PTP4A3: variants seen among roughly 807,000 people sequenced by gnomAD.
The protein encoded by PTP4A3 is protein tyrosine phosphatase 4A3, also known as protein tyrosine phosphatase type IVA 3.
A neutral mutation model predicts 15.2 loss-of-function variants in PTP4A3; 9 were observed. The observed-to-expected ratio is 0.59, with a 90% CI of 0.36 to 1.03. The LOEUF (loss-of-function observed/expected upper bound fraction) is 1.03. Ranked by LOEUF, PTP4A3 falls within the 50% of genes least tolerant of loss-of-function variation. PTP4A3 has a pLI of 0.02. For missense variants in PTP4A3, 234 were observed against 252.1 expected, an observed-to-expected ratio of 0.93 and a Z score of 0.49; for synonymous variants, 95 against 102.0, an observed-to-expected ratio of 0.93 and a Z score of 0.41.
chr8:141,413,739 T>C (rs551182601), intron 1 of PTP4A3, among the ~76,000 whole-genome samples: 1 of 152,040 alleles, frequency 6.6e-6, no homozygotes, highest in Non-Finnish European at 1.5e-5. Context: ...CACTCAGGAG[T>C]CCAGCTGTGT....
intron 2 of PTP4A3, 52 bp downstream of exon 2, chr8:141,422,397 C>T (rs1352211400): frequency 6.2e-7 from 1 of 1,600,284 alleles, no homozygotes. Flanking sequence ...TCTGGGAAGC[C>T]CGGCTGAGCT....
In PTP4A3 at chr8:141,425,227, G is replaced by A. The variant is rs1175954366; in HGVS notation, c.198+87G>A. ...GCTCCGGGCCTGCGCAGAGGGTTTG[G>A]TGCCCCTCCTGTGGCAGCCCTGGGC... On this transcript the variant is annotated intron_variant, in intron 3 of 5. Coordinates refer to ENST00000521578, the MANE Select transcript of PTP4A3 (RefSeq NM_032611.3). This position sits in a 1 kb window ranked among gnomAD's most constrained non-coding sequence, Gnocchi z 4.2. 7.4e-7 allele frequency: 1 copy of A among 1,345,462 alleles called. No homozygotes were observed. The highest frequency in any genetic ancestry group is 2.5e-5 in the East Asian group (1 of 40,584). The allele number at this position is 1,345,462 out of a possible 1,614,324, so 83.3% of individuals were successfully genotyped here.
At chr8:141,416,092 G>A (rs1017951893) in intron 1 of PTP4A3, among the ~76,000 whole-genome samples, 1 of 152,288 alleles carries the variant, frequency 6.6e-6, no homozygotes, top group East Asian at 1.9e-4. Context: ...GCCCGGGTGG[G>A]GGTGATGAGG....
chr8:141,405,749 T>TG (rs1218943549), intron 1 of PTP4A3, among the ~76,000 whole-genome samples: 1 of 145,218 alleles, frequency 6.9e-6, no homozygotes, highest in East Asian at 2.0e-4. Context: ...CTACTGTGTG[T>TG]GGGGGACAGA....
intron 1 of PTP4A3, among the ~76,000 whole-genome samples, chr8:141,403,008 T>C (rs1408913844): frequency 6.6e-6 from 1 of 151,984 alleles, no homozygotes; most frequent in Non-Finnish European, 1.5e-5. Context: ...GCACCTCCTG[T>C]GTGCACCAGG....
At chr8:141,429,479 G>A (rs1463112624) in intron 5 of PTP4A3, among the ~76,000 whole-genome samples, 1 of 152,262 alleles carries the variant, frequency 6.6e-6, no homozygotes, top group Admixed American at 6.5e-5. Flanking sequence ...TGTGGTCAAG[G>A]ACCAGGTGGC....
chr8:141,403,245 C>T (rs1832640623), intron 1 of PTP4A3, among the ~76,000 whole-genome samples: 1 of 152,234 alleles, frequency 6.6e-6, no homozygotes, highest in South Asian at 2.1e-4. Flanking sequence ...CTGCAGCGGC[C>T]TCGCGCGGGG....
chr8:141,401,315 C>T (rs988970676), intron 1 of PTP4A3, among the ~76,000 whole-genome samples: 16 of 152,164 alleles, frequency 1.1e-4, no homozygotes, highest in African/African-American at 3.4e-4. Context: ...CCAGCCAGCT[C>T]ATCTGCTCCT....
chr8:141,397,114 C>T (rs1303419837), intron 1 of PTP4A3, among the ~76,000 whole-genome samples: 1 of 152,232 alleles, frequency 6.6e-6, no homozygotes, highest in African/African-American at 2.4e-5. Context: ...CTAGCCACCT[C>T]CTCAGGGCCA....
chr8:141,395,852 G>T (rs899032904), intron 1 of PTP4A3, among the ~76,000 whole-genome samples: 1 of 152,204 alleles, frequency 6.6e-6, no homozygotes, highest in Non-Finnish European at 1.5e-5. Context: ...TCCTCTCCTG[G>T]TGTCTTCCCC....
At position 141,422,279 on chromosome 8, in the gene PTP4A3, C is replaced by G. The variant is rs750471229; in HGVS notation, c.39C>G (p.Ser13Arg). 3.0e-5 allele frequency: 49 copies of G among 1,613,174 alleles called. No individual in the cohort carries two copies. The highest frequency in any genetic ancestry group is 4.1e-5 in the Non-Finnish European group (48 of 1,180,004). The change falls in exon 2 of 6, where the codon AGC becomes AGG. Residue 13 changes from serine to arginine, a missense_variant. Physicochemically the swap from Ser to Arg is moderately radical, Grantham distance 110. Coordinates refer to ENST00000521578, the MANE Select transcript of PTP4A3 (RefSeq NM_032611.3). ...RMNRPAPVEV[S>R]YKHMRFLITH... ...ACCGCCCGGCCCCGGTGGAGGTGAG[C>G]TACAAACACATGCGCTTCCTCATCA...
Position 141,411,432 on chromosome 8 carries a change from G to T in PTP4A3, c.-853-9956G>T, listed in dbSNP as rs10111276. 8.1e-3 allele frequency among the ~76,000 whole-genome samples: 1,235 copies of T among 152,308 alleles called. 11 individuals are homozygous for T. The highest frequency in any genetic ancestry group is 0.027 in the African/African-American group (1,109 of 41,586). ...CTCCAGCCCCTCCACCATGTGTCCT[G>T]GGGGTAGCCCTATCCCCCTGGGCCT... On this transcript the variant is annotated intron_variant, in intron 1 of 5. Coordinates refer to ENST00000521578, the MANE Select transcript of PTP4A3 (RefSeq NM_032611.3).
At chr8:141,426,723 C>T (rs900731914) in intron 3 of PTP4A3, 1 of 958,918 alleles carries the variant, frequency 1.0e-6, no homozygotes, top group Non-Finnish European at 1.2e-6. Context: ...GGGATAGCTG[C>T]AGTGTACAGG....
At chr8:141,407,446 A>G (rs1210556541) in intron 1 of PTP4A3, among the ~76,000 whole-genome samples, 1 of 152,218 alleles carries the variant, frequency 6.6e-6, no homozygotes, top group Non-Finnish European at 1.5e-5. Flanking sequence ...AATGACCCAA[A>G]TGTCCATCAG....
intron 1 of PTP4A3, among the ~76,000 whole-genome samples, chr8:141,412,185 C>T (rs1254759531): frequency 6.6e-6 from 1 of 152,230 alleles, no homozygotes; most frequent in Non-Finnish European, 1.5e-5. Context: ...TGTGACACAG[C>T]AGAGGTGTAC....
At chr8:141,414,117 A>T (rs1049930166) in intron 1 of PTP4A3, among the ~76,000 whole-genome samples, 6 of 152,018 alleles carry the variant, frequency 3.9e-5, no homozygotes, top group African/African-American at 1.5e-4. Context: ...TATGCAGGTC[A>T]GTGTGTGTGC....
At chr8:141,426,439 C>G (rs1833580917) in intron 3 of PTP4A3, 1 of 985,298 alleles carries the variant, frequency 1.0e-6, no homozygotes. Context: ...AATGTGGGCC[C>G]TGTCTCGCCC....
chr8:141,411,844 G>T (rs1484201047), intron 1 of PTP4A3, among the ~76,000 whole-genome samples: 2 of 132,710 alleles, frequency 1.5e-5, no homozygotes, highest in Non-Finnish European at 3.1e-5. Context: ...GGAGTGTAGG[G>T]CTTGGCTGTT....
At chr8:141,397,376 G>T (rs887361645) in intron 1 of PTP4A3, among the ~76,000 whole-genome samples, 2 of 152,224 alleles carry the variant, frequency 1.3e-5, no homozygotes, top group African/African-American at 2.4e-5. Flanking sequence ...CCCCGGGTGG[G>T]CTGAAACTTC....
Sources: allele counts gnomAD v4.1 joint callset (sites outside exome capture counted in the v4.1 genomes callset), GRCh38; gene constraint gnomAD v4.1.1; non-coding constraint Gnocchi (gnomAD v3.1); transcripts MANE v1.5; gene names NCBI Gene and HGNC (gene_info 2026-07-23, HGNC 2026-07-21).